The following ZNF334 variants were observed in gnomAD, a reference collection of about 807,000 sequenced individuals.
The protein encoded by ZNF334 is zinc finger protein 334.
In ZNF334, 14 loss-of-function variants were observed where a neutral mutation model predicts 12.4. The ratio of observed to expected loss-of-function variants is 1.13; its 90% CI spans 0.74 to 1.76. The LOEUF is 1.76. Ranked by LOEUF, ZNF334 falls within the 40% of genes most tolerant of loss-of-function variation. ZNF334 has a pLI of 0.00. For synonymous variants in ZNF334, 273 were observed against 269.6 expected, an observed-to-expected ratio of 1.01 and a Z score of -0.12; for missense variants, 797 against 804.5, an observed-to-expected ratio of 0.99 and a Z score of 0.11.
the ZNF334 span, among the ~76,000 whole-genome samples, chr20:46,471,498 A>G: frequency 2.0e-5 from 3 of 152,098 alleles, no homozygotes; most frequent in Admixed American, 1.3e-4. Context: ...TTTCTGGTTA[A>G]TGTGGTTTTG....
At chr20:46,504,461 A>G (rs1240433645) in intron 3 of ZNF334, 153 bp downstream of exon 3, 2 of 1,143,696 alleles carry the variant, frequency 1.7e-6, no homozygotes, top group Non-Finnish European at 2.5e-6. Context: ...GGGGAAGGGC[A>G]GTGAATACAT....
the ZNF334 span, among the ~76,000 whole-genome samples, chr20:46,472,545 G>T: frequency 2.0e-5 from 3 of 152,174 alleles, no homozygotes; most frequent in African/African-American, 7.2e-5. Context: ...AGGAGGAAGG[G>T]TCTCCCAGGC....
chr20:46,498,639 G>A (rs2061064302), downstream of ZNF334, among the ~76,000 whole-genome samples: 1 of 152,094 alleles, frequency 6.6e-6, no homozygotes, highest in Admixed American at 6.6e-5. Context: ...CTAATTTTGG[G>A]GATAATTTGT....
the ZNF334 span, among the ~76,000 whole-genome samples, chr20:46,487,124 C>T: frequency 1.3e-5 from 2 of 152,090 alleles, no homozygotes; most frequent in Non-Finnish European, 2.9e-5. Context: ...TTATCACATC[C>T]ATAGCATGTT....
the ZNF334 span, chr20:46,464,172 C>T: frequency 1.9e-6 from 1 of 526,926 alleles, no homozygotes; most frequent in Non-Finnish European, 3.7e-6. Flanking sequence ...TGTAAAAACA[C>T]ATCCCCCAAG....
In ZNF334 at chr20:46,501,430, A is replaced by G. The variant is rs764200635; in HGVS notation, c.1909T>C (p.Tyr637His). The part of the protein sequence containing the change: ...PYECNQCGKT[Y>H]RRLWTLTEHQ... ...TCAGTGAGAGTCCACAGGCGACGGT[A>G]GGTTTTCCCACATTGATTACATTCA... Residue 637 changes from tyrosine (Y) to histidine (H), a missense_variant, in exon 5 of 5, where the codon TAC becomes CAC. By Grantham distance (83) the Tyr-to-His change is moderately conservative. Coordinates refer to ENST00000692313, the MANE Select transcript of ZNF334 (RefSeq NM_001353824.2). The G allele has an allele frequency of 1.2e-6, 2 of 1,614,006 alleles. No homozygotes were observed.
At position 46,501,282 on chromosome 20, in the gene ZNF334, T is replaced by A; in HGVS notation, c.*14A>T. ...GATTTGTTGCTTTGTTGGAATTTATTACTTTGTTGGAACTTATTCCTTGTG... is the reference window on the plus strand; with the variant it reads ...GATTTGTTGCTTTGTTGGAATTTATAACTTTGTTGGAACTTATTCCTTGTG... On this transcript the variant is annotated 3_prime_UTR_variant, in exon 5 of 5. Coordinates refer to ENST00000692313, the MANE Select transcript of ZNF334 (RefSeq NM_001353824.2). The A allele has an allele frequency of 6.3e-7, 1 of 1,597,940 alleles. No individual in the cohort carries two copies. The highest frequency in any genetic ancestry group is 8.5e-7 in the Non-Finnish European group (1 of 1,172,068).
the ZNF334 span, among the ~76,000 whole-genome samples, chr20:46,483,854 A>G: frequency 6.4e-4 from 97 of 152,360 alleles, no homozygotes; most frequent in African/African-American, 2.3e-3. Flanking sequence ...GTATCTGTTT[A>G]TCACAGTTTA....
At chr20:46,493,888 C>T in the ZNF334 span, among the ~76,000 whole-genome samples, 1 of 152,112 alleles carries the variant, frequency 6.6e-6, no homozygotes, top group Admixed American at 6.5e-5. Context: ...AGAGATCATG[C>T]CACTGCACTC....
At chr20:46,466,673 G>A in the ZNF334 span, among the ~76,000 whole-genome samples, 40 of 152,094 alleles carry the variant, frequency 2.6e-4, no homozygotes, top group East Asian at 5.2e-3. Context: ...TAGTAGAAAC[G>A]GGGTTTTGCC....
At chr20:46,498,426 G>A (rs1214555212), downstream of ZNF334, among the ~76,000 whole-genome samples, 1 of 152,174 alleles carries the variant, frequency 6.6e-6, no homozygotes, top group African/African-American at 2.4e-5. Flanking sequence ...ATGAAGAACT[G>A]AGGTCTCCTG....
chr20:46,486,795 T>C, the ZNF334 span, among the ~76,000 whole-genome samples: 1 of 152,172 alleles, frequency 6.6e-6, no homozygotes, highest in East Asian at 1.9e-4. Flanking sequence ...CTTTCCTGCA[T>C]CTCACCACTG....
Position 46,506,568 on chromosome 20 carries a change from ATTGTGCCACTGTACTCCAGCAGCC to A in ZNF334, c.22-1852_22-1829del, listed in dbSNP as rs2061439722. 7.9e-6 allele frequency: 3 copies of A among 379,728 alleles called. 1 individual carries two copies. The Admixed American group carries it at 1.4e-4, about 17-fold the overall frequency. The allele number at this position is 379,728 out of a possible 1,614,324, so 23.5% of individuals were successfully genotyped here. A position where few individuals can be genotyped will look rare whatever the true frequency, so the allele number is the denominator to read the frequency against. On this transcript the variant is annotated intron_variant, in intron 2 of 4. Transcript: ENST00000692313. The stretch of plus-strand genomic sequence containing the variant: ...GAGTCAGAGGTTGCAGTGAGCTCAG[ATTGTGCCACTGTACTCCAGCAGCC>A]TGGGTGACAGTGCAAGACCTCATCT...
chr20:46,501,404 T>C lies in ZNF334; in HGVS notation c.1935A>G (p.Glu645=), dbSNP rs76796362. 4.8e-4 allele frequency: 772 copies of C among 1,614,152 alleles called. 4 individuals are homozygous for C. In the East Asian group the frequency reaches 0.016, roughly 33 times the overall value. Residue 645 remains glutamate, a synonymous_variant, in exon 5 of 5, where the codon GAA becomes GAG. Transcript: ENST00000692313. ...TCTCTCCTGTGTGTATTTTCTGATG[T>C]TCAGTGAGAGTCCACAGGCGACGGT... ...KTYRRLWTLT[E]HQKIHTGEKP...
the ZNF334 span, among the ~76,000 whole-genome samples, chr20:46,488,419 T>TTTTATATATATATATATATATATA: frequency 4.6e-4 from 47 of 102,214 alleles, no homozygotes; most frequent in African/African-American, 9.1e-4. Context: ...AGCTCTTATT[T>TTTTATATATATATATATATATATA]TATATATATA....
the ZNF334 span, among the ~76,000 whole-genome samples, chr20:46,463,445 G>A: frequency 1.4e-3 from 210 of 152,282 alleles, no homozygotes; most frequent in African/African-American, 4.7e-3. Context: ...CAGCAGAAAC[G>A]TCAAGGATCC....
intron 2 of ZNF334, among the ~76,000 whole-genome samples, chr20:46,511,506 C>T (rs967001126): frequency 6.6e-6 from 1 of 152,130 alleles, no homozygotes; most frequent in Non-Finnish European, 1.5e-5. Context: ...GAAGTTTTAC[C>T]TACAGAATAT....
At chr20:46,499,190 A>G (rs914323379), downstream of ZNF334, among the ~76,000 whole-genome samples, 244 of 150,452 alleles carry the variant, frequency 1.6e-3, no homozygotes, top group African/African-American at 5.0e-3. Flanking sequence ...AAAAAAAAAA[A>G]AAAAAAAAAA....
downstream of ZNF334, among the ~76,000 whole-genome samples, chr20:46,497,932 C>A (rs1319083789): frequency 6.7e-6 from 1 of 148,468 alleles, no homozygotes; most frequent in African/African-American, 2.5e-5. Flanking sequence ...CGACCTATCT[C>A]ACCTATGCAG....
Sources: gnomAD v4.1 joint callset for allele counts (sites outside exome capture counted in the v4.1 genomes callset) on GRCh38, gnomAD v4.1.1 for gene constraint, MANE v1.5 for transcripts, NCBI Gene and HGNC (gene_info 2026-07-23, HGNC 2026-07-21) for gene names.